The following SRCIN1 variants were observed in gnomAD, a reference collection of about 807,000 sequenced individuals.
The protein encoded by SRCIN1 is P130Cas-associated protein.
Under a neutral mutation model 116.2 loss-of-function variants are expected in SRCIN1, and 50 were observed. The ratio of observed to expected loss-of-function variants is 0.43; its 90% confidence interval spans 0.34 to 0.54. SRCIN1 has a LOEUF of 0.54. Among genes scored for constraint, SRCIN1 ranks in the 20% least tolerant of loss-of-function variants. The pLI is 0.02. For missense variants in SRCIN1, 1,446 were observed against 1,672.0 expected, an observed-to-expected ratio of 0.86 and a Z score of 2.36; for synonymous variants, 736 against 750.0, an observed-to-expected ratio of 0.98 and a Z score of 0.30.
chr17:38,585,673 A>G lies in SRCIN1; in HGVS notation c.23-6882T>C, dbSNP rs909807328. Among the ~76,000 whole-genome samples the G allele has an allele frequency of 6.6e-6, 1 of 152,152 alleles. No individual in the cohort carries two copies. The highest frequency in any genetic ancestry group is 1.5e-5 in the Non-Finnish European group (1 of 68,028). Reference sequence around the variant, plus strand: ...AGAAGCCCATCTGTGTCTGTTTTCTAAAACCATCTTTTCCGCCCCATACCA... The same window carrying G: ...AGAAGCCCATCTGTGTCTGTTTTCTGAAACCATCTTTTCCGCCCCATACCA... On this transcript the variant is annotated intron_variant, in intron 1 of 18. Coordinates refer to ENST00000617146, the MANE Select transcript of SRCIN1 (RefSeq NM_025248.3). The surrounding 1 kb of genome is among the most constrained non-coding windows in gnomAD (Gnocchi z 4.2).
Position 38,552,632 on chromosome 17 carries a change from A to C in SRCIN1, c.2333-38T>G, listed in dbSNP as rs760718934. On this transcript the variant is annotated intron_variant, in intron 12 of 18. Transcript: ENST00000617146. The surrounding 1 kb of genome is among the most constrained non-coding windows in gnomAD (Gnocchi z 5.3). Reference sequence around the variant, plus strand: ...GAAGGCATGAGCTGGGGCCAGAGGGAGCACCACAGACTGGGAGGAGAGGAT... The same window carrying C: ...GAAGGCATGAGCTGGGGCCAGAGGGCGCACCACAGACTGGGAGGAGAGGAT... The C allele has an allele frequency of 2.5e-5, 40 of 1,612,802 alleles. No homozygotes were observed. Among genetic ancestry groups the C allele is most frequent in the Non-Finnish European group, 3.1e-5 (37 of 1,179,800 alleles).
intron 2 of SRCIN1, among the ~76,000 whole-genome samples, chr17:38,570,529 T>C (rs1480537586): frequency 6.6e-6 from 1 of 152,222 alleles, no homozygotes; most frequent in Non-Finnish European, 1.5e-5. Context: ...ATGTCCCAGA[T>C]ATCATAAGTC....
At chr17:38,560,262 C>G in intron 8 of SRCIN1, 71 bp downstream of exon 8, 1 of 1,496,988 alleles carries the variant, frequency 6.7e-7, no homozygotes, top group Non-Finnish European at 9.1e-7. Context: ...ACTGGCAGAG[C>G]CGATGCCCAT....
chr17:38,542,964 A>G, intron 18 of SRCIN1: 1 of 416,664 alleles, frequency 2.4e-6, no homozygotes. Flanking sequence ...TGGGCCTGTC[A>G]TACAGGAGCT....
In SRCIN1 at chr17:38,562,648, G is replaced by A. The variant is rs1472991122; in HGVS notation, c.834+179C>T. 6.6e-6 allele frequency among the ~76,000 whole-genome samples: 1 copy of A among 152,244 alleles called. No individual in the cohort carries two copies. The highest frequency in any genetic ancestry group is 6.5e-5 in the Admixed American group (1 of 15,288). On this transcript the variant is annotated intron_variant, in intron 6 of 18. Coordinates refer to ENST00000617146, the MANE Select transcript of SRCIN1 (RefSeq NM_025248.3). This position sits in a 1 kb window ranked among gnomAD's most constrained non-coding sequence, Gnocchi z 4.2. ...AGGCAAGTTAGCAAAATCCCGAGTG[G>A]ACAGGCCCGGAATGGAGGGGAAAGT... is the stretch of plus-strand genomic sequence containing the variant.
chr17:38,556,909 C>T (rs1396587554), intron 11 of SRCIN1, among the ~76,000 whole-genome samples: 2 of 152,136 alleles, frequency 1.3e-5, no homozygotes, highest in Non-Finnish European at 2.9e-5. Flanking sequence ...TTTAATGTCT[C>T]GGTAAAGTTG....
chr17:38,533,323 C>A lies in SRCIN1; in HGVS notation c.3526G>T (p.Ala1176Ser). The change falls in exon 19 of 19, where the codon GCA (alanine) becomes TCA (serine). Residue 1176 changes from alanine (A) to serine (S), a missense_variant. By Grantham distance (99) the Ala-to-Ser change is moderately conservative. Coordinates refer to ENST00000617146, the MANE Select transcript of SRCIN1 (RefSeq NM_025248.3). ...TAGAAGGAGATGGAAGAATTCCTTG[C>A]CCCAAAGGAAGTCAATACAGGGATA... Reference protein sequence around the residue: ...TSIPVLTSFGARNSSISF With the variant: ...TSIPVLTSFGSRNSSISF 6.3e-7 allele frequency: 1 copy of A among 1,580,692 alleles called. No homozygotes were observed. The highest frequency in any genetic ancestry group is 8.6e-7 in the Non-Finnish European group (1 of 1,162,024).
intron 17 of SRCIN1, among the ~76,000 whole-genome samples, chr17:38,545,917 G>T (rs1052671254): frequency 3.3e-5 from 5 of 152,372 alleles, no homozygotes. Flanking sequence ...TGTGGGCAGA[G>T]ACAACATGTC....
chr17:38,586,857 C>G (rs575498022), intron 1 of SRCIN1, among the ~76,000 whole-genome samples: 1 of 152,244 alleles, frequency 6.6e-6, no homozygotes, highest in South Asian at 2.1e-4. Context: ...AGGACCTCTT[C>G]GAGGCTGGGG....
At chr17:38,559,295 G>T in intron 10 of SRCIN1, 1 of 516,264 alleles carries the variant, frequency 1.9e-6, no homozygotes, top group Non-Finnish European at 3.4e-6. Context: ...GGGTGACTGG[G>T]GCTCCAGGAG....
chr17:38,594,656 A>G (rs1454363430), intron 1 of SRCIN1, among the ~76,000 whole-genome samples: 1 of 143,346 alleles, frequency 7.0e-6, no homozygotes, highest in East Asian at 2.0e-4. Flanking sequence ...CTTCTCAACA[A>G]TGCTGCCTGG....
At chr17:38,603,804 C>T (rs1025048710) in intron 1 of SRCIN1, among the ~76,000 whole-genome samples, 4 of 152,120 alleles carry the variant, frequency 2.6e-5, no homozygotes, top group African/African-American at 9.7e-5. Flanking sequence ...TCACCCCATC[C>T]CTTGCTTCTA....
chr17:38,554,039 T>C (rs1425404730), intron 11 of SRCIN1, among the ~76,000 whole-genome samples: 1 of 152,172 alleles, frequency 6.6e-6, no homozygotes, highest in Admixed American at 6.5e-5. Flanking sequence ...GGCGAAACCC[T>C]GTCTTTACTA....
At chr17:38,539,104 C>T (rs1435659443) in intron 18 of SRCIN1, among the ~76,000 whole-genome samples, 1 of 152,204 alleles carries the variant, frequency 6.6e-6, no homozygotes, top group Admixed American at 6.5e-5. Context: ...TTCGCTCATT[C>T]ACTCAACAAA....
rs778864141 is a variant in SRCIN1 at position 38,551,949 on chromosome 17, G to A, written c.2664C>T (p.Gly888=). Residue 888 remains glycine (G), a synonymous_variant, in exon 14 of 19, where the codon GGC becomes GGT. Coordinates refer to ENST00000617146, the MANE Select transcript of SRCIN1 (RefSeq NM_025248.3). ...AEGASLTPKG[G]NPTKGLDTPG... The stretch of plus-strand genomic sequence containing the variant: ...GAGTGTCCAGGCCTTTGGTGGGGTT[G>A]CCCCCCTTGGGGGTAAGAGAGGCTC... 4 of 1,614,046 alleles carry A rather than the reference G, an allele frequency of 2.5e-6. No homozygotes were observed. The South Asian group carries it at 3.3e-5, about 13-fold the overall frequency.
chr17:38,601,580 C>A (rs900367022), intron 1 of SRCIN1, among the ~76,000 whole-genome samples: 3 of 151,954 alleles, frequency 2.0e-5, no homozygotes, highest in Non-Finnish European at 2.9e-5. Context: ...AATGTCAGGG[C>A]AAGGTGCCTG....
intron 1 of SRCIN1, among the ~76,000 whole-genome samples, chr17:38,592,500 C>T (rs114410866): frequency 6.6e-6 from 1 of 152,206 alleles, no homozygotes; most frequent in Non-Finnish European, 1.5e-5. Context: ...ACAGAACAGG[C>T]AGAAGGACAC....
intron 8 of SRCIN1, 90 bp from the exon 9 acceptor site, chr17:38,560,187 C>G: frequency 7.1e-7 from 1 of 1,406,666 alleles, no homozygotes; most frequent in Non-Finnish European, 9.6e-7. Flanking sequence ...TCTCCTCCAG[C>G]TCTCCGATCT....
intron 2 of SRCIN1, among the ~76,000 whole-genome samples, chr17:38,576,557 C>G (rs753990186): frequency 1.3e-5 from 2 of 152,120 alleles, no homozygotes; most frequent in Non-Finnish European, 2.9e-5. Context: ...TGACCGTGCT[C>G]AACTCTTCTC....
Sources: allele counts gnomAD v4.1 joint callset (sites outside exome capture counted in the v4.1 genomes callset), GRCh38; gene constraint gnomAD v4.1.1; non-coding constraint Gnocchi (gnomAD v3.1); transcripts MANE v1.5; gene names NCBI Gene and HGNC (gene_info 2026-07-23, HGNC 2026-07-21).